Variants in MACROD2 observed in about 807,000 individuals in gnomAD.
MACROD2 encodes ADP-ribose glycohydrolase MACROD2.
Under a neutral mutation model 70.4 loss-of-function variants are expected in MACROD2, and 36 were observed. The ratio of observed to expected loss-of-function variants is 0.51; its 90% CI spans 0.39 to 0.68. The LOEUF (loss-of-function observed/expected upper bound fraction) is 0.68. Ranked by LOEUF, MACROD2 falls within the 30% of genes least tolerant of loss-of-function variation. The pLI is 0.00. For missense variants in MACROD2, 496 were observed against 538.4 expected (o/e 0.92, Z 0.78); for synonymous variants, 172 against 178.8 (o/e 0.96, Z 0.30).
At chr20:15,032,988 A>G (rs188986663) in intron 5 of MACROD2, among the ~76,000 whole-genome samples, 173 of 152,366 alleles carry the variant, frequency 1.1e-3, no homozygotes, top group Middle Eastern at 0.01. Flanking sequence ...CAAATGTTGT[A>G]TGATTCCACT....
chr20:14,830,194 A>G (rs2072948666), intron 5 of MACROD2, among the ~76,000 whole-genome samples: 1 of 152,152 alleles, frequency 6.6e-6, no homozygotes. Flanking sequence ...ACTACGGTTC[A>G]TTAAGGTTTA....
At chr20:15,237,836 T>C (rs2145998425) in intron 6 of MACROD2, among the ~76,000 whole-genome samples, 1 of 152,246 alleles carries the variant, frequency 6.6e-6, no homozygotes, top group Non-Finnish European at 1.5e-5. Flanking sequence ...GGCTGAGGAC[T>C]GCTCCTGGGT....
intron 7 of MACROD2, among the ~76,000 whole-genome samples, chr20:15,432,084 A>C (rs935637332): frequency 6.6e-6 from 1 of 152,024 alleles, no homozygotes; most frequent in Non-Finnish European, 1.5e-5. Flanking sequence ...CAGACCATTA[A>C]TAAGTCTGTT....
At chr20:14,563,091 A>T (rs1363929866) in intron 4 of MACROD2, among the ~76,000 whole-genome samples, 2 of 151,802 alleles carry the variant, frequency 1.3e-5, no homozygotes, top group South Asian at 2.1e-4. Flanking sequence ...TTGCAGGAGT[A>T]GGGTGGAATT....
chr20:15,972,404 T>A (rs1037392541), intron 13 of MACROD2, among the ~76,000 whole-genome samples: 2 of 152,036 alleles, frequency 1.3e-5, no homozygotes, highest in East Asian at 1.9e-4. Flanking sequence ...AGAAACATAA[T>A]GAAAATTACA....
intron 4 of MACROD2, among the ~76,000 whole-genome samples, chr20:14,574,958 C>T (rs1030946758): frequency 5.7e-5 from 8 of 139,976 alleles, no homozygotes; most frequent in Admixed American, 7.4e-5. Context: ...TTGCAGTGAG[C>T]CGAGATTGCG....
At chr20:14,340,065 CCTCTT>C (rs1452656853) in intron 3 of MACROD2, among the ~76,000 whole-genome samples, 1 of 152,180 alleles carries the variant, frequency 6.6e-6, no homozygotes, top group African/African-American at 2.4e-5. Context: ...AGATTGCCCT[CCTCTT>C]TTGTTTTCTA....
intron 15 of MACROD2, among the ~76,000 whole-genome samples, chr20:15,993,916 T>C (rs891828525): frequency 1.3e-5 from 2 of 152,132 alleles, no homozygotes; most frequent in African/African-American, 2.4e-5. Context: ...GTCAAAGGAA[T>C]ACACCCTCAT....
chr20:15,161,467 T>G (rs1419637490), intron 5 of MACROD2, among the ~76,000 whole-genome samples: 1 of 151,812 alleles, frequency 6.6e-6, no homozygotes, highest in African/African-American at 2.4e-5. Context: ...AGTTAAAATC[T>G]TCGTGTGTTT....
intron 16 of MACROD2, among the ~76,000 whole-genome samples, chr20:16,041,655 G>A (rs561230169): frequency 8.6e-5 from 13 of 151,998 alleles, no homozygotes; most frequent in South Asian, 4.2e-4. Context: ...CTCAGCATTC[G>A]GGAGAGCCCT....
chr20:14,874,500 T>C (rs75493217), intron 5 of MACROD2, among the ~76,000 whole-genome samples: 8 of 151,422 alleles, frequency 5.3e-5, no homozygotes, highest in African/African-American at 1.4e-4. Context: ...TAGGTCATCA[T>C]TGAACATTTT....
At chr20:15,642,485 C>T (rs570335131) in intron 8 of MACROD2, among the ~76,000 whole-genome samples, 8 of 151,862 alleles carry the variant, frequency 5.3e-5, no homozygotes, top group African/African-American at 1.4e-4. Flanking sequence ...TGTCTATGCC[C>T]GGTTCTCTCT....
intron 5 of MACROD2, among the ~76,000 whole-genome samples, chr20:14,845,349 A>G (rs1019306709): frequency 3.9e-5 from 6 of 152,082 alleles, no homozygotes; most frequent in Non-Finnish European, 7.4e-5. Flanking sequence ...ATGTTTCACA[A>G]TGATATGTTC....
chr20:16,010,647 G>T (rs2091907449), intron 15 of MACROD2, among the ~76,000 whole-genome samples: 1 of 152,176 alleles, frequency 6.6e-6, no homozygotes, highest in Non-Finnish European at 1.5e-5. Flanking sequence ...GACCTCCAAG[G>T]TGTGGTGTGC....
intron 3 of MACROD2, among the ~76,000 whole-genome samples, chr20:14,331,355 A>G (rs1275596480): frequency 1.3e-5 from 2 of 152,054 alleles, no homozygotes; most frequent in African/African-American, 4.8e-5. Context: ...TAATTTGTTT[A>G]TTTTACCTGT....
chr20:14,969,893 C>T (rs1346481631), intron 5 of MACROD2, among the ~76,000 whole-genome samples: 1 of 151,964 alleles, frequency 6.6e-6, no homozygotes, highest in African/African-American at 2.4e-5. Flanking sequence ...CATTAATGTT[C>T]ACATCTCCAA....
At chr20:14,847,369 A>G (rs1327297862) in intron 5 of MACROD2, among the ~76,000 whole-genome samples, 1 of 152,088 alleles carries the variant, frequency 6.6e-6, no homozygotes, top group African/African-American at 2.4e-5. Context: ...AAGAAAGTGT[A>G]TGAAGAAGTC....
At chr20:15,615,101 A>C (rs984425844) in intron 8 of MACROD2, among the ~76,000 whole-genome samples, 3 of 152,286 alleles carry the variant, frequency 2.0e-5, no homozygotes, top group Admixed American at 2.0e-4. Flanking sequence ...GCCAAGGTGA[A>C]GGCCTCGTGG....
At chr20:15,482,444 A>G (rs571776346) in intron 7 of MACROD2, among the ~76,000 whole-genome samples, 26 of 152,308 alleles carry the variant, frequency 1.7e-4, no homozygotes, top group Middle Eastern at 6.8e-3. Flanking sequence ...CCAATTGTCG[A>G]TGAGGATGTG....
Sources: allele counts gnomAD v4.1 joint callset (sites outside exome capture counted in the v4.1 genomes callset), GRCh38; gene constraint gnomAD v4.1.1; transcripts MANE v1.5; gene names NCBI Gene and HGNC (gene_info 2026-07-23, HGNC 2026-07-21).